YTHDC2: variants seen among roughly 807,000 people sequenced by gnomAD.
The protein encoded by YTHDC2 is YTH N6-methyladenosine RNA binding protein C2.
In YTHDC2, 45 loss-of-function variants were observed where a neutral mutation model predicts 174.9. That is an observed-to-expected ratio of 0.26 (90% CI 0.20 to 0.33). YTHDC2 has a LOEUF of 0.33. YTHDC2 is among the 10% of genes least tolerant of loss of function. The pLI is 1.00. For missense variants in YTHDC2, 1,650 were observed against 1,723.7 expected (o/e 0.96, Z 0.76); for synonymous variants, 657 against 574.5 (o/e 1.14, Z -2.05).
At chr5:113,576,165 G>A (rs1778033308) in intron 23 of YTHDC2, among the ~76,000 whole-genome samples, 1 of 152,094 alleles carries the variant, frequency 6.6e-6, no homozygotes. Flanking sequence ...GTCTGGGCTA[G>A]CAATACAAAT....
Position 113,589,406 on chromosome 5 carries a change from A to T in YTHDC2, c.3826-1635A>T, listed in dbSNP as rs865860132. 9.8e-3 allele frequency among the ~76,000 whole-genome samples: 1,082 copies of T among 110,878 alleles called. 10 individuals carry two copies. Among genetic ancestry groups the T allele is most frequent in the African/African-American group, 0.026 (631 of 24,516 alleles). The allele number at this position is 110,878 out of a possible 152,430, so 72.7% of individuals were successfully genotyped here. ...AGTCTTTTAAAAATTAAAAAAAAAA[A>T]AAATATATATATATATATATATATA... On this transcript the variant is annotated intron_variant, in intron 26 of 29. Transcript: ENST00000161863.
chr5:113,572,470 A>G (rs968704021), intron 23 of YTHDC2, among the ~76,000 whole-genome samples: 8 of 152,214 alleles, frequency 5.3e-5, no homozygotes, highest in African/African-American at 1.9e-4. Context: ...TTCTGTAGAT[A>G]TCTATCAGGT....
intron 2 of YTHDC2, among the ~76,000 whole-genome samples, chr5:113,519,493 T>C (rs1164682456): frequency 6.6e-6 from 1 of 152,206 alleles, no homozygotes; most frequent in Non-Finnish European, 1.5e-5. Flanking sequence ...AAATGAACTT[T>C]GTTAAAAATC....
chr5:113,586,062 T>C (rs1285658842), intron 26 of YTHDC2, among the ~76,000 whole-genome samples: 1 of 152,100 alleles, frequency 6.6e-6, no homozygotes, highest in Non-Finnish European at 1.5e-5. Flanking sequence ...AATGTATATT[T>C]AGCTTTACAA....
chr5:113,555,443 C>T (rs543632329), intron 16 of YTHDC2, among the ~76,000 whole-genome samples: 6 of 152,192 alleles, frequency 3.9e-5, no homozygotes, highest in African/African-American at 1.4e-4. Flanking sequence ...AAATATTTCT[C>T]TACAATAAAT....
Position 113,585,536 on chromosome 5 carries a change from T to C in YTHDC2, c.3825+1057T>C, listed in dbSNP as rs145742464. 1.4e-4 allele frequency among the ~76,000 whole-genome samples: 22 copies of C among 152,176 alleles called. No individual in the cohort carries two copies. In the East Asian group the frequency reaches 4.3e-3, roughly 30 times the overall value. On this transcript the variant is annotated intron_variant, in intron 26 of 29. Coordinates refer to ENST00000161863, the MANE Select transcript of YTHDC2 (RefSeq NM_022828.5). ...CACCAGTTTAAACTGTATAATTTAATGAATTTTGGCAAATGTATACAATCA... is the reference window on the plus strand; with the variant it reads ...CACCAGTTTAAACTGTATAATTTAACGAATTTTGGCAAATGTATACAATCA...
In YTHDC2 at chr5:113,584,432, A is replaced by G. The variant is rs1403004521; in HGVS notation, c.3778A>G (p.Ser1260Gly). Residue 1260 changes from serine (S) to glycine (G), a missense_variant, in exon 26 of 30, where the codon AGT becomes GGT. Physicochemically the swap from Ser to Gly is moderately conservative, Grantham distance 56 (BLOSUM62 0). Transcript: ENST00000161863. ...TTCTCTGAAATCTACAGACAGCAGT[A>G]GTTACCCAAGTCCTTGTGCTAGTCC... ...QSSLKSTDSSSYPSPCASPSP... is the reference protein window; with the variant it reads ...QSSLKSTDSSGYPSPCASPSP... 1 of 1,613,680 alleles carries G rather than the reference A, an allele frequency of 6.2e-7. No homozygotes were observed. Among genetic ancestry groups the G allele is most frequent in the African/African-American group, 1.3e-5 (1 of 74,904 alleles).
At position 113,567,649 on chromosome 5, in the gene YTHDC2, A is replaced by T. The variant is rs1447561283; in HGVS notation, c.3049-5A>T. On this transcript the variant is annotated splice_region_variant and splice_polypyrimidine_tract_variant and intron_variant, in intron 22 of 29. Transcript: ENST00000161863. ...AACAATTTTTAAAATTTATTTTCTTAATAGATTCCTCCAGCCAATGGTCAA... is the reference window on the plus strand; with the variant it reads ...AACAATTTTTAAAATTTATTTTCTTTATAGATTCCTCCAGCCAATGGTCAA... 10 of 1,581,342 alleles carry T rather than the reference A, an allele frequency of 6.3e-6. No homozygotes were observed. Among genetic ancestry groups the T allele is most frequent in the Middle Eastern group, 3.3e-4 (2 of 6,020 alleles).
intron 23 of YTHDC2, among the ~76,000 whole-genome samples, chr5:113,574,045 G>A (rs909453903): frequency 6.6e-6 from 1 of 152,152 alleles, no homozygotes; most frequent in African/African-American, 2.4e-5. Context: ...GAGGCACTCT[G>A]GCTTTTTGAG....
At chr5:113,522,914 C>T (rs757341322) in intron 2 of YTHDC2, among the ~76,000 whole-genome samples, 10 of 152,064 alleles carry the variant, frequency 6.6e-5, no homozygotes, top group Non-Finnish European at 1.2e-4. Flanking sequence ...CATATGTGCT[C>T]AAACTGAATT....
At chr5:113,523,980 TATA>T (rs1354212245) in intron 2 of YTHDC2, among the ~76,000 whole-genome samples, 1 of 152,138 alleles carries the variant, frequency 6.6e-6, no homozygotes, top group Non-Finnish European at 1.5e-5. Context: ...TGTTTCTGAC[TATA>T]ATAATAGTTT....
chr5:113,518,556 C>CGTGTGT (rs67062871), intron 2 of YTHDC2, among the ~76,000 whole-genome samples: 45 of 144,570 alleles, frequency 3.1e-4, no homozygotes, highest in Admixed American at 4.1e-4. Flanking sequence ...AGTTAGTTTT[C>CGTGTGT]GTGTGTGTGT....
At chr5:113,544,033 A>G (rs1363358046) in intron 10 of YTHDC2, among the ~76,000 whole-genome samples, 7 of 151,768 alleles carry the variant, frequency 4.6e-5, no homozygotes, top group Admixed American at 4.6e-4. Context: ...TACTTATTTC[A>G]TCTACTAGAA....
At chr5:113,574,849 C>G (rs1369369554) in intron 23 of YTHDC2, among the ~76,000 whole-genome samples, 1 of 152,226 alleles carries the variant, frequency 6.6e-6, no homozygotes, top group Non-Finnish European at 1.5e-5. Context: ...TCTGCCAACA[C>G]TCCACACAGA....
At chr5:113,541,140 T>C in intron 9 of YTHDC2, 24 bp downstream of exon 9, 1 of 1,613,036 alleles carries the variant, frequency 6.2e-7, no homozygotes, top group Non-Finnish European at 8.5e-7. Context: ...GGTTTCCCAC[T>C]CATATTTTGT....
At chr5:113,522,143 T>TG (rs769468980) in intron 2 of YTHDC2, among the ~76,000 whole-genome samples, 30 of 134,538 alleles carry the variant, frequency 2.2e-4, no homozygotes, top group Admixed American at 1.6e-3. Context: ...TGTTTTTTGT[T>TG]TTTTTTTTTT....
chr5:113,561,957 G>GGTGGGT (rs1347716150), intron 18 of YTHDC2, among the ~76,000 whole-genome samples: 25 of 134,956 alleles, frequency 1.9e-4, no homozygotes, highest in South Asian at 7.3e-4. Context: ...ATTAATTGTG[G>GGTGGGT]GTGTGTGTGT....
intron 26 of YTHDC2, among the ~76,000 whole-genome samples, chr5:113,584,772 CCTT>C (rs1390470993): frequency 2.3e-4 from 27 of 116,442 alleles, no homozygotes; most frequent in Non-Finnish European, 4.0e-4. Context: ...TCTTTCGAAT[CCTT>C]TTTTTTTTTT....
intron 7 of YTHDC2, among the ~76,000 whole-genome samples, chr5:113,537,649 G>A (rs1775176297): frequency 6.6e-6 from 1 of 150,786 alleles, no homozygotes; most frequent in African/African-American, 2.4e-5. Context: ...GAGATGCATA[G>A]TTTTCCTGGA....
Sources: allele counts gnomAD v4.1 joint callset (sites outside exome capture counted in the v4.1 genomes callset), GRCh38; gene constraint gnomAD v4.1.1; transcripts MANE v1.5; gene names NCBI Gene and HGNC (gene_info 2026-07-23, HGNC 2026-07-21).